CTNNA3: variants seen among roughly 807,000 people sequenced by gnomAD.
CTNNA3 encodes the protein catenin alpha-3.
A neutral mutation model predicts 95.7 loss-of-function variants in CTNNA3; 76 were observed. The observed-to-expected ratio is 0.79, with a 90% CI of 0.66 to 0.96. CTNNA3 has a LOEUF of 0.96. Among genes scored for constraint, CTNNA3 ranks in the 40% least tolerant of loss-of-function variants. The probability of loss-of-function intolerance (pLI) is 0.00; values close to 1 mark genes in which losing one functional copy is unlikely to be tolerated. For synonymous variants in CTNNA3, 431 were observed against 374.4 expected, an observed-to-expected ratio of 1.15 and a Z score of -1.74; for missense variants, 1,191 against 1,089.8, an observed-to-expected ratio of 1.09 and a Z score of -1.31.
At position 67,566,043 on chromosome 10, in the gene CTNNA3, G is replaced by GTGTA. The variant is rs1274109672; in HGVS notation, c.293-26375_293-26374insTACA. 3.4e-3 allele frequency among the ~76,000 whole-genome samples: 91 copies of GTGTA among 26,954 alleles called. 5 individuals carry two copies. Among genetic ancestry groups the GTGTA allele is most frequent in the Middle Eastern group, 0.048 (2 of 42 alleles). The allele number at this position is 26,954 out of a possible 152,430, so 17.7% of individuals were successfully genotyped here. ...CACACACACACACATATGTGTGTGT[G>GTGTA]TATATATATATATATATATATATAT... On this transcript the variant is annotated intron_variant, in intron 3 of 17. Transcript: ENST00000433211.
intron 11 of CTNNA3, among the ~76,000 whole-genome samples, chr10:66,388,687 A>C (rs2092912465): frequency 1.4e-5 from 2 of 145,066 alleles, no homozygotes; most frequent in Admixed American, 1.4e-4. Context: ...AAATAAAATA[A>C]CGAAAAGAAG....
intron 10 of CTNNA3, among the ~76,000 whole-genome samples, chr10:66,567,084 A>AG (rs1842735224): frequency 3.1e-4 from 1 of 3,276 alleles, no homozygotes; most frequent in Non-Finnish European, 6.3e-4. Flanking sequence ...GGGAGGGAGG[A>AG]GTGGGGAGGG....
At chr10:67,698,274 A>G (rs1841004458), upstream of CTNNA3, among the ~76,000 whole-genome samples, 1 of 152,196 alleles carries the variant, frequency 6.6e-6, no homozygotes, top group African/African-American at 2.4e-5. Context: ...GAGAGAATAA[A>G]TCAGGGCCAT....
Position 67,354,531 on chromosome 10 carries a change from C to A in CTNNA3, c.580-134661G>T, listed in dbSNP as rs572019593. ...GAAGAGATACTAAAAAATCTCATTGCTGTAGATTTAAAGGTTTTCCGGTGG... is the reference window on the plus strand; with the variant it reads ...GAAGAGATACTAAAAAATCTCATTGATGTAGATTTAAAGGTTTTCCGGTGG... On this transcript the variant is annotated intron_variant, in intron 5 of 17. Transcript: ENST00000433211. 9.3e-4 allele frequency among the ~76,000 whole-genome samples: 141 copies of A among 152,012 alleles called. 1 individual carries two copies. Among genetic ancestry groups the A allele is most frequent in the African/African-American group, 3.3e-3 (138 of 41,520 alleles).
intron 11 of CTNNA3, among the ~76,000 whole-genome samples, chr10:66,495,505 T>C (rs1182053669): frequency 6.6e-6 from 1 of 152,184 alleles, no homozygotes; most frequent in Non-Finnish European, 1.5e-5. Flanking sequence ...CAAAGATCAA[T>C]GTAGTAATCA....
intron 13 of CTNNA3, among the ~76,000 whole-genome samples, chr10:66,206,981 T>C (rs533542139): frequency 9.4e-4 from 143 of 152,044 alleles, no homozygotes; most frequent in Non-Finnish European, 1.5e-3. Context: ...TGCTTTCTAA[T>C]GGCAGTCTCT....
chr10:66,240,565 G>A (rs1239777367), intron 13 of CTNNA3, among the ~76,000 whole-genome samples: 1 of 152,054 alleles, frequency 6.6e-6, no homozygotes, highest in Non-Finnish European at 1.5e-5. Context: ...AGGAACAGAT[G>A]CTCTTTGTTA....
At position 66,430,498 on chromosome 10, in the gene CTNNA3, G is replaced by C. The variant is rs142236562; in HGVS notation, c.1532-51146C>G. On this transcript the variant is annotated intron_variant, in intron 11 of 17. Coordinates refer to ENST00000433211, the MANE Select transcript of CTNNA3 (RefSeq NM_013266.4). ...GGAGGCATCTTGCTACCTGACTTCA[G>C]ACTATACTCCAAGGCTACAGTAACC... Among the ~76,000 whole-genome samples, 748 of 152,130 alleles carry C rather than the reference G, an allele frequency of 4.9e-3. 6 individuals are homozygous for C. The highest frequency in any genetic ancestry group is 0.012 in the African/African-American group (498 of 41,504).
At chr10:66,685,193 GTA>G (rs1201335703) in intron 9 of CTNNA3, among the ~76,000 whole-genome samples, 9 of 75,742 alleles carry the variant, frequency 1.2e-4, no homozygotes, top group Admixed American at 6.7e-4. Context: ...ATATATACGT[GTA>G]TATATATATA....
At chr10:66,483,190 T>A (rs1839601557) in intron 11 of CTNNA3, among the ~76,000 whole-genome samples, 1 of 152,214 alleles carries the variant, frequency 6.6e-6, no homozygotes, top group South Asian at 2.1e-4. Flanking sequence ...TCTTCCCTAC[T>A]TATTATTGTA....
rs529038518 is a variant in CTNNA3, at chr10:66,894,457, A to G, written c.1048-118933T>C. ...TAAATATGTCAAAATGTTACAAAAT[A>G]TCTGACTCAAGCTTGTTTCTTCATT... On this transcript the variant is annotated intron_variant, in intron 7 of 17. Transcript: ENST00000433211. 1.1e-3 allele frequency among the ~76,000 whole-genome samples: 164 copies of G among 152,180 alleles called. 1 individual carries two copies. Among genetic ancestry groups the G allele is most frequent in the Middle Eastern group, 6.8e-3 (2 of 294 alleles).
intron 11 of CTNNA3, among the ~76,000 whole-genome samples, chr10:66,415,895 T>C (rs2093142130): frequency 6.6e-6 from 1 of 152,108 alleles, no homozygotes; most frequent in East Asian, 1.9e-4. Flanking sequence ...AACTGCTACA[T>C]GAGATGCACG....
intron 5 of CTNNA3, among the ~76,000 whole-genome samples, chr10:67,446,727 A>G (rs944561416): frequency 1.3e-5 from 2 of 152,190 alleles, no homozygotes; most frequent in Non-Finnish European, 2.9e-5. Context: ...GAATATAGAC[A>G]TCAAGGGAGA....
intron 7 of CTNNA3, among the ~76,000 whole-genome samples, chr10:66,962,023 A>G (rs905171643): frequency 6.6e-6 from 1 of 152,158 alleles, no homozygotes; most frequent in Admixed American, 6.5e-5. Context: ...CCATATTGCC[A>G]CTACTCTGGT....
chr10:67,748,733 G>A (rs191740586), intron 1 of CTNNA3, among the ~76,000 whole-genome samples: 5 of 152,236 alleles, frequency 3.3e-5, no homozygotes, highest in South Asian at 4.1e-4. Context: ...ATTATTACAC[G>A]ATCAAATTCA....
In CTNNA3 at chr10:65,962,316, C is replaced by T. The variant is rs200923647; in HGVS notation, c.2400+4296G>A. On this transcript the variant is annotated intron_variant, in intron 17 of 17. Transcript: ENST00000433211. ...AACCTGAATGAGTTTCCATACTCAC[C>T]GTAACATGGTCTTCCTTCTATATAC... Among the ~76,000 whole-genome samples the T allele has an allele frequency of 3.3e-5, 5 of 152,176 alleles. No homozygotes were observed. The East Asian group carries it at 5.8e-4, about 18-fold the overall frequency.
chr10:67,470,403 T>C (rs1033292376), intron 5 of CTNNA3, among the ~76,000 whole-genome samples: 1 of 152,210 alleles, frequency 6.6e-6, no homozygotes, highest in African/African-American at 2.4e-5. Context: ...AGTGCTGCAA[T>C]AAAAATAAGA....
intron 1 of CTNNA3, among the ~76,000 whole-genome samples, chr10:67,742,415 G>C: frequency 6.6e-6 from 1 of 151,202 alleles, no homozygotes; most frequent in Non-Finnish European, 1.5e-5. Context: ...GGTACATAAT[G>C]AAATGAAGGC....
intron 12 of CTNNA3, among the ~76,000 whole-genome samples, chr10:66,370,429 T>C (rs2092745287): frequency 6.6e-6 from 1 of 152,192 alleles, no homozygotes; most frequent in South Asian, 2.1e-4. Context: ...TTTAAAAACA[T>C]ACACTATGTT....
Sources: gnomAD v4.1 joint callset for allele counts (sites outside exome capture counted in the v4.1 genomes callset) on GRCh38, gnomAD v4.1.1 for gene constraint, MANE v1.5 for transcripts, NCBI Gene and HGNC (gene_info 2026-07-23, HGNC 2026-07-21) for gene names.